PRRX2: variants seen among roughly 807,000 people sequenced by gnomAD.
The protein encoded by PRRX2 is paired related homeobox 2.
Under a neutral mutation model 18.0 loss-of-function variants are expected in PRRX2, and 11 were observed. The observed-to-expected ratio is 0.61, with a 90% confidence interval of 0.39 to 1.01. The LOEUF is 1.01. PRRX2 is among the 50% of genes least tolerant of loss of function. PRRX2 has a pLI of 0.01. For synonymous variants in PRRX2, 177 were observed against 154.8 expected (o/e 1.14, Z -1.06); for missense variants, 387 against 351.0 (o/e 1.10, Z -0.82).
chr9:129,709,043 G>T lies in PRRX2; in HGVS notation c.260-10188G>T, dbSNP rs752220270. Among the ~76,000 whole-genome samples the T allele has an allele frequency of 6.6e-6, 1 of 152,204 alleles. No individual in the cohort carries two copies. Among genetic ancestry groups the T allele is most frequent in the African/African-American group, 2.4e-5 (1 of 41,446 alleles). ...AGGAGTCCATAACAAGGAGACCTGCGCTTGTATGGGAGCCGGGAAGGCCTC... is the reference window on the plus strand; with the variant it reads ...AGGAGTCCATAACAAGGAGACCTGCTCTTGTATGGGAGCCGGGAAGGCCTC... On this transcript the variant is annotated intron_variant, in intron 1 of 3. Coordinates refer to ENST00000372469, the MANE Select transcript of PRRX2 (RefSeq NM_016307.4). The surrounding 1 kb of genome is among the most constrained non-coding windows in gnomAD (Gnocchi z 4.2).
chr9:129,670,246 T>C (rs1832084327), intron 1 of PRRX2, among the ~76,000 whole-genome samples: 2 of 151,980 alleles, frequency 1.3e-5, no homozygotes, highest in South Asian at 4.2e-4. Context: ...TACAGACACG[T>C]GGGTTGTTCC....
At chr9:129,684,412 GAC>G (rs1202663196) in intron 1 of PRRX2, among the ~76,000 whole-genome samples, 7 of 120,416 alleles carry the variant, frequency 5.8e-5, no homozygotes, top group African/African-American at 2.1e-4. Flanking sequence ...CACAGAGAGA[GAC>G]ACACACAGAT....
Position 129,665,672 on chromosome 9 carries a change from G to C in PRRX2, c.-196G>C, listed in dbSNP as rs1161216807. 4.5e-6 allele frequency: 1 copy of C among 221,308 alleles called. No individual in the cohort carries two copies. The highest frequency in any genetic ancestry group is 7.7e-6 in the Non-Finnish European group (1 of 129,146). The allele number at this position is 221,308 out of a possible 1,614,324, so 13.7% of individuals were successfully genotyped here. ...GCGTGCACCAGCGGCTCCGGAGCGA[G>C]CGGCCGTGGCTGAGAAGGGGAGGGC... On this transcript the variant is annotated 5_prime_UTR_variant, in exon 1 of 4. Transcript: ENST00000372469. The surrounding 1 kb of genome is among the most constrained non-coding windows in gnomAD (Gnocchi z 5.3).
chr9:129,717,741 G>C (rs1832731209), intron 1 of PRRX2, among the ~76,000 whole-genome samples: 1 of 151,448 alleles, frequency 6.6e-6, no homozygotes. Flanking sequence ...AGAAAATGTG[G>C]GGAGTGGGAT....
rs142666219 is a variant in PRRX2 at position 129,684,748 on chromosome 9, C to T, written c.259+18622C>T. 6.6e-5 allele frequency among the ~76,000 whole-genome samples: 10 copies of T among 152,196 alleles called. No homozygotes were observed. In the East Asian group the frequency reaches 1.2e-3, roughly 18 times the overall value. On this transcript the variant is annotated intron_variant, in intron 1 of 3. Transcript: ENST00000372469. The stretch of plus-strand genomic sequence containing the variant: ...GTGCTCCTGGGTGTAACAGAACTCA[C>T]GTTTATAAAGGAAGAGTTCTCTAAA...
chr9:129,691,046 C>T (rs972783341), intron 1 of PRRX2, among the ~76,000 whole-genome samples: 2 of 151,628 alleles, frequency 1.3e-5, no homozygotes, highest in South Asian at 2.1e-4. Flanking sequence ...AATTAAGGCC[C>T]GGACACAGTG....
intron 1 of PRRX2, among the ~76,000 whole-genome samples, chr9:129,690,208 G>A (rs7851732): frequency 0.21 from 32,118 of 152,064 alleles, 5,616 homozygotes; most frequent in African/African-American, 0.47. Flanking sequence ...TCAGGGCTGC[G>A]TCATTCTCTC....
At chr9:129,721,662 C>T (rs1404773903) in intron 3 of PRRX2, among the ~76,000 whole-genome samples, 2 of 152,122 alleles carry the variant, frequency 1.3e-5, no homozygotes, top group African/African-American at 4.8e-5. Context: ...TCACTGCAAC[C>T]TCCGCCTCCC....
chr9:129,669,158 C>CT (rs10632892), intron 1 of PRRX2, among the ~76,000 whole-genome samples: 1 of 150,632 alleles, frequency 6.6e-6, no homozygotes. Flanking sequence ...CAGGCTCAAA[C>CT]TTTTTTTAAT....
At chr9:129,678,375 C>A (rs915241742) in intron 1 of PRRX2, among the ~76,000 whole-genome samples, 2 of 152,160 alleles carry the variant, frequency 1.3e-5, no homozygotes, top group Non-Finnish European at 1.5e-5. Flanking sequence ...ACCTACTGCA[C>A]GCCAGGCCCT....
Position 129,671,390 on chromosome 9 carries a change from T to C in PRRX2, c.259+5264T>C, listed in dbSNP as rs1260477654. On this transcript the variant is annotated intron_variant, in intron 1 of 3. Transcript: ENST00000372469. This position sits in a 1 kb window ranked among gnomAD's most constrained non-coding sequence, Gnocchi z 4.0. ...CAGGACCTCTTGCTCCTCTGTCCAG[T>C]AGATCATCTGGGTGGAGCTTGGGGG... Among the ~76,000 whole-genome samples, 1 of 152,216 alleles carries C rather than the reference T, an allele frequency of 6.6e-6. No individual in the cohort carries two copies.
chr9:129,670,098 G>A (rs891963447), intron 1 of PRRX2, among the ~76,000 whole-genome samples: 3 of 148,144 alleles, frequency 2.0e-5, no homozygotes, highest in Middle Eastern at 3.5e-3. Context: ...AGTATTTGCC[G>A]TTCTGTGACC....
At chr9:129,668,381 C>G (rs1315040318) in intron 1 of PRRX2, among the ~76,000 whole-genome samples, 1 of 152,210 alleles carries the variant, frequency 6.6e-6, no homozygotes, top group Non-Finnish European at 1.5e-5. Context: ...GCGGCATCAT[C>G]CTCCAGTCCT....
intron 3 of PRRX2, 63 bp from the exon 4 acceptor site, chr9:129,722,154 G>T (rs1832800996): frequency 6.3e-7 from 1 of 1,576,032 alleles, no homozygotes. Context: ...AGAGGCTGGG[G>T]TCGAGCACTG....
intron 1 of PRRX2, among the ~76,000 whole-genome samples, chr9:129,680,454 T>C (rs1832213836): frequency 6.7e-6 from 1 of 148,416 alleles, no homozygotes. Flanking sequence ...ATTTGCTTTC[T>C]CTCTCTCTCT....
chr9:129,693,114 C>G (rs1478457920), intron 1 of PRRX2, among the ~76,000 whole-genome samples: 1 of 152,094 alleles, frequency 6.6e-6, no homozygotes, highest in Non-Finnish European at 1.5e-5. Context: ...TGGTATCTCA[C>G]TGTAGTTTTA....
At chr9:129,674,718 G>A (rs1832143274) in intron 1 of PRRX2, among the ~76,000 whole-genome samples, 2 of 152,170 alleles carry the variant, frequency 1.3e-5, no homozygotes, top group African/African-American at 4.8e-5. Flanking sequence ...AAGGGCCCCA[G>A]ACTAGGAGTC....
intron 1 of PRRX2, among the ~76,000 whole-genome samples, chr9:129,666,559 G>A (rs1011830390): frequency 2.1e-5 from 3 of 142,230 alleles, no homozygotes; most frequent in African/African-American, 8.5e-5. Context: ...TGGGGGGCGA[G>A]GGTGCCTGCC....
At position 129,668,794 on chromosome 9, in the gene PRRX2, A is replaced by AG. The variant is rs1201291664; in HGVS notation, c.259+2668_259+2669insG. 6.7e-4 allele frequency among the ~76,000 whole-genome samples: 101 copies of AG among 151,212 alleles called. 2 individuals are homozygous for AG. The East Asian group carries it at 7.6e-3, about 11-fold the overall frequency. ...ACTCCATCTCAAAAAAAAAAAAAAA[A>AG]AAAAGAAAGAAAGAAAAGAAAAGAA... On this transcript the variant is annotated intron_variant, in intron 1 of 3. Coordinates refer to ENST00000372469, the MANE Select transcript of PRRX2 (RefSeq NM_016307.4).
Sources: allele counts gnomAD v4.1 joint callset (sites outside exome capture counted in the v4.1 genomes callset), GRCh38; gene constraint gnomAD v4.1.1; non-coding constraint Gnocchi (gnomAD v3.1); transcripts MANE v1.5; gene names NCBI Gene and HGNC (gene_info 2026-07-23, HGNC 2026-07-21).